The following SLC4A4 variants were observed in gnomAD, a reference collection of about 807,000 sequenced individuals.
The protein encoded by SLC4A4 is electrogenic sodium bicarbonate cotransporter 1.
Under a neutral mutation model 111.5 loss-of-function variants are expected in SLC4A4, and 27 were observed. The observed-to-expected ratio is 0.24, with a 90% CI of 0.18 to 0.33. SLC4A4 has a LOEUF of 0.33. SLC4A4 is among the 10% of genes least tolerant of loss of function. SLC4A4 has a pLI of 1.00. For synonymous variants in SLC4A4, 443 were observed against 463.4 expected (o/e 0.96, Z 0.57); for missense variants, 909 against 1,315.5 (o/e 0.69, Z 4.78).
At chr4:71,484,918 T>C (rs1729233143) in intron 14 of SLC4A4, among the ~76,000 whole-genome samples, 1 of 151,646 alleles carries the variant, frequency 6.6e-6, no homozygotes, top group African/African-American at 2.4e-5. Flanking sequence ...TTTGTGGCAA[T>C]TGTGAATGGG....
intron 3 of SLC4A4, among the ~76,000 whole-genome samples, chr4:71,256,139 A>G (rs571315995): frequency 6.6e-6 from 1 of 152,320 alleles, no homozygotes; most frequent in South Asian, 2.1e-4. Context: ...GAATATGTGC[A>G]GTAGAAACAC....
At chr4:71,187,473 G>A (rs1745525208) in intron 1 of SLC4A4, 72 bp downstream of exon 1, 1 of 152,522 alleles carries the variant, frequency 6.6e-6, no homozygotes, top group South Asian at 2.1e-4. Context: ...GGCGGGCGCG[G>A]GCCCGGGGGC....
At chr4:71,405,046 G>C (rs1720721032) in intron 7 of SLC4A4, among the ~76,000 whole-genome samples, 1 of 151,734 alleles carries the variant, frequency 6.6e-6, no homozygotes, top group African/African-American at 2.4e-5. Context: ...GAATTCCTGG[G>C]CTCAAGCGAT....
intron 7 of SLC4A4, among the ~76,000 whole-genome samples, chr4:71,432,699 T>C (rs1723752453): frequency 6.6e-6 from 1 of 152,040 alleles, no homozygotes; most frequent in African/African-American, 2.4e-5. Context: ...CTTTTTTGTC[T>C]CAGCTTTCTT....
chr4:71,261,207 G>A lies in SLC4A4; in HGVS notation c.253+5808G>A, dbSNP rs183166505. On this transcript the variant is annotated intron_variant, in intron 3 of 25. Coordinates refer to ENST00000264485, the MANE Select transcript of SLC4A4 (RefSeq NM_001098484.3). ...CAGGTGAGAGGACCAAGGGAACAAG[G>A]ACTTCAAGGGGCAGAGGTGCTGTCT... Among the ~76,000 whole-genome samples, 4 of 152,316 alleles carry A rather than the reference G, an allele frequency of 2.6e-5. No individual in the cohort carries two copies. In the East Asian group the frequency reaches 7.7e-4, roughly 29 times the overall value.
chr4:71,401,857 A>G (rs1427495411), intron 7 of SLC4A4, among the ~76,000 whole-genome samples: 2 of 152,226 alleles, frequency 1.3e-5, no homozygotes, highest in African/African-American at 2.4e-5. Context: ...CAGTGGATGC[A>G]GTAGATGTAG....
At position 71,525,909 on chromosome 4, in the gene SLC4A4, C is replaced by T. The variant is rs1578114473; in HGVS notation, c.2167-6153C>T. On this transcript the variant is annotated intron_variant, in intron 16 of 25. Transcript: ENST00000264485. ...AAATGATGAAAGAAAATCACATACTCTTCTTTTCTAAATGCGCTTAAAACT... is the reference window on the plus strand; with the variant it reads ...AAATGATGAAAGAAAATCACATACTTTTCTTTTCTAAATGCGCTTAAAACT... 2.6e-5 allele frequency among the ~76,000 whole-genome samples: 4 copies of T among 152,068 alleles called. No individual in the cohort carries two copies. The East Asian group carries it at 7.7e-4, about 29-fold the overall frequency.
chr4:71,303,236 G>A (rs115335736), intron 3 of SLC4A4, among the ~76,000 whole-genome samples: 2,022 of 152,314 alleles, frequency 0.013, 48 homozygotes, highest in African/African-American at 0.046. Context: ...GGAGGTAGAG[G>A]AGTTTATTGA....
intron 7 of SLC4A4, among the ~76,000 whole-genome samples, chr4:71,430,383 A>T (rs894701469): frequency 2.6e-5 from 4 of 152,120 alleles, no homozygotes; most frequent in African/African-American, 4.8e-5. Flanking sequence ...CTGATTCTGT[A>T]TCATAATGTG....
rs79947795 is a variant in SLC4A4, at chr4:71,286,634, T to C, written c.253+31235T>C. 5.4e-4 allele frequency among the ~76,000 whole-genome samples: 83 copies of C among 152,370 alleles called. No individual in the cohort carries two copies. In the East Asian group the frequency reaches 0.015, roughly 27 times the overall value. ...TTCAGAAAACACTGCCTCCTATTTG[T>C]GTATAGCTATACCATTAAACAGTAT... is the stretch of plus-strand genomic sequence containing the variant. On this transcript the variant is annotated intron_variant, in intron 3 of 25. Coordinates refer to ENST00000264485, the MANE Select transcript of SLC4A4 (RefSeq NM_001098484.3).
intron 2 of SLC4A4, among the ~76,000 whole-genome samples, chr4:71,156,586 G>GCGCGCA (rs1403189255): frequency 1.5e-4 from 16 of 108,384 alleles, no homozygotes; most frequent in Admixed American, 1.4e-3. Flanking sequence ...GCGCGCGCGC[G>GCGCGCA]CGCACACACA....
chr4:71,418,586 T>C (rs1722031841), intron 7 of SLC4A4, among the ~76,000 whole-genome samples: 3 of 152,214 alleles, frequency 2.0e-5, no homozygotes. Flanking sequence ...GGTATGTAAA[T>C]TTAGTCATTG....
chr4:71,557,957 C>T (rs1736620879), intron 22 of SLC4A4, 72 bp downstream of exon 22: 1 of 1,346,152 alleles, frequency 7.4e-7, no homozygotes, highest in East Asian at 2.3e-5. Flanking sequence ...ATATGGAAGA[C>T]ACACATGTCT....
chr4:71,169,217 T>C (rs1465654949), intron 2 of SLC4A4, among the ~76,000 whole-genome samples: 1 of 151,698 alleles, frequency 6.6e-6, no homozygotes, highest in Non-Finnish European at 1.5e-5. Context: ...GGTTTCACCA[T>C]GTTGGTCAGG....
chr4:71,560,157 T>C lies in SLC4A4; in HGVS notation c.3002T>C (p.Phe1001Ser). ...CTCTTCTCCCAGCACGACCTCAGCT[T>C]CCTGGATGATGTCATTCCAGAAAAG... Reference protein sequence around the residue: ...DYLFSQHDLSFLDDVIPEKDK... With the variant: ...DYLFSQHDLSSLDDVIPEKDK... Residue 1001 changes from phenylalanine to serine, a missense_variant, in exon 23 of 26, where the codon TTC becomes TCC. By Grantham distance (155) the Phe-to-Ser change is radical (BLOSUM62 -2). Coordinates refer to ENST00000264485, the MANE Select transcript of SLC4A4 (RefSeq NM_001098484.3). The C allele has an allele frequency of 6.2e-7, 1 of 1,611,244 alleles. No homozygotes were observed. Among genetic ancestry groups the C allele is most frequent in the African/African-American group, 1.3e-5 (1 of 74,848 alleles).
chr4:71,184,810 C>A (rs1348474348), upstream of SLC4A4, among the ~76,000 whole-genome samples: 6 of 152,092 alleles, frequency 3.9e-5, no homozygotes, highest in Non-Finnish European at 7.4e-5. Context: ...AATCAATGAC[C>A]TTTCAAAGGA....
chr4:71,378,654 G>C (rs1220114225), intron 6 of SLC4A4, among the ~76,000 whole-genome samples: 1 of 152,190 alleles, frequency 6.6e-6, no homozygotes, highest in African/African-American at 2.4e-5. Flanking sequence ...AGAAGGAAAA[G>C]CAAATGCAGT....
At chr4:71,457,867 T>C (rs1726432117) in intron 12 of SLC4A4, among the ~76,000 whole-genome samples, 1 of 152,160 alleles carries the variant, frequency 6.6e-6, no homozygotes, top group African/African-American at 2.4e-5. Context: ...TGGAGTACTA[T>C]TTATGTAGTA....
chr4:71,409,431 C>G (rs968255744), intron 7 of SLC4A4, among the ~76,000 whole-genome samples: 2 of 152,162 alleles, frequency 1.3e-5, no homozygotes, highest in African/African-American at 2.4e-5. Context: ...AAAGGTGACT[C>G]TTGTTATGTT....
Sources: gnomAD v4.1 joint callset for allele counts (sites outside exome capture counted in the v4.1 genomes callset) on GRCh38, gnomAD v4.1.1 for gene constraint, MANE v1.5 for transcripts, NCBI Gene and HGNC (gene_info 2026-07-23, HGNC 2026-07-21) for gene names.